Variants in MYT1 observed in about 807,000 individuals in gnomAD.
MYT1 encodes the protein myelin transcription factor I.
Under a neutral mutation model 123.0 loss-of-function variants are expected in MYT1, and 23 were observed. The ratio of observed to expected loss-of-function variants is 0.19; its 90% CI spans 0.13 to 0.26. The LOEUF is 0.26. Among genes scored for constraint, MYT1 ranks in the 10% least tolerant of loss-of-function variants. The pLI, the probability that MYT1 is intolerant of heterozygous loss-of-function variation, is 1.00. For synonymous variants in MYT1, 518 were observed against 575.3 expected (o/e 0.90, Z 1.43); for missense variants, 1,125 against 1,472.5 (o/e 0.76, Z 3.86).
In MYT1 at chr20:64,236,656, G is replaced by A. The variant is rs1238341817; in HGVS notation, c.2989+10G>A. 2.5e-6 allele frequency: 4 copies of A among 1,611,416 alleles called. No homozygotes were observed. The South Asian group carries it at 4.4e-5, about 18-fold the overall frequency. ...TTCAAGACTAGCGACGGTAAGGATGGCTTCCTGGATTTCCCTGCTCATGGC... is the reference window on the plus strand; with the variant it reads ...TTCAAGACTAGCGACGGTAAGGATGACTTCCTGGATTTCCCTGCTCATGGC... On this transcript the variant is annotated intron_variant, in intron 20 of 22. Coordinates refer to ENST00000328439, the MANE Select transcript of MYT1 (RefSeq NM_004535.3).
chr20:64,205,194 C>G (rs1983449130), intron 5 of MYT1, 97 bp downstream of exon 5: 2 of 1,414,808 alleles, frequency 1.4e-6, no homozygotes, highest in Admixed American at 1.8e-5. Flanking sequence ...TTTTCCATGG[C>G]TCCCAAGGCC....
chr20:64,202,042 C>T lies in MYT1; in HGVS notation c.86+2120C>T, dbSNP rs1440064487. On this transcript the variant is annotated intron_variant, in intron 4 of 22. Coordinates refer to ENST00000328439, the MANE Select transcript of MYT1 (RefSeq NM_004535.3). This position sits in a 1 kb window ranked among gnomAD's most constrained non-coding sequence, Gnocchi z 5.0. ...TCGCGTGTCGGGAACCCCCGCGTGT[C>T]GGGAACCTCTGCGTGTCGGGAACCC... is the stretch of plus-strand genomic sequence containing the variant. Among the ~76,000 whole-genome samples, 1 of 151,266 alleles carries T rather than the reference C, an allele frequency of 6.6e-6. No individual in the cohort carries two copies. The highest frequency in any genetic ancestry group is 1.9e-4 in the East Asian group (1 of 5,142).
At chr20:64,223,415 C>A in intron 16 of MYT1, 56 bp downstream of exon 16, 1 of 1,590,490 alleles carries the variant, frequency 6.3e-7, no homozygotes, top group Non-Finnish European at 8.6e-7. Flanking sequence ...GCTTTGCTCT[C>A]CTTCCATGAG....
Position 64,240,551 on chromosome 20 carries a change from G to A in MYT1, c.*103G>A. 1 of 1,435,778 alleles carries A rather than the reference G, an allele frequency of 7.0e-7. No individual in the cohort carries two copies. 88.9% of individuals were successfully genotyped at this position (1,435,778 alleles called of 1,614,324 possible). Reference sequence around the variant, plus strand: ...CAACTCACAGTGACTTCCCGTTTGGGGCCCGGTGTGGCCGCGGGCGGGTTT... The same window carrying A: ...CAACTCACAGTGACTTCCCGTTTGGAGCCCGGTGTGGCCGCGGGCGGGTTT... On this transcript the variant is annotated 3_prime_UTR_variant, in exon 23 of 23. Coordinates refer to ENST00000328439, the MANE Select transcript of MYT1 (RefSeq NM_004535.3).
intron 1 of MYT1, among the ~76,000 whole-genome samples, chr20:64,176,979 T>A (rs1982476940): frequency 1.3e-5 from 2 of 152,188 alleles, no homozygotes; most frequent in Admixed American, 1.3e-4. Context: ...ATGATAATAA[T>A]ATAAGAAAGA....
intron 1 of MYT1, among the ~76,000 whole-genome samples, chr20:64,165,366 C>T (rs911757051): frequency 2.0e-5 from 3 of 152,048 alleles, no homozygotes; most frequent in African/African-American, 4.8e-5. Flanking sequence ...GCTACGTGTC[C>T]GTGCAGCTGT....
At chr20:64,219,655 A>C in intron 12 of MYT1, 58 bp from the exon 13 acceptor site, 1 of 1,453,308 alleles carries the variant, frequency 6.9e-7, no homozygotes, top group East Asian at 2.3e-5. Context: ...CAAATGGACC[A>C]GAAGGCACAC....
In MYT1 at chr20:64,167,537, G is replaced by C. The variant is rs1016878001; in HGVS notation, c.-99+2798G>C. Among the ~76,000 whole-genome samples, 3 of 152,152 alleles carry C rather than the reference G, an allele frequency of 2.0e-5. No homozygotes were observed. Among genetic ancestry groups the C allele is most frequent in the Non-Finnish European group, 2.9e-5 (2 of 68,022 alleles). ...GGCTGCTGGCGGTCACCTGATCTGC[G>C]AGCAGGCAGGGTACTGGACGGTCAG... On this transcript the variant is annotated intron_variant, in intron 1 of 22. Coordinates refer to ENST00000328439, the MANE Select transcript of MYT1 (RefSeq NM_004535.3). This position sits in a 1 kb window ranked among gnomAD's most constrained non-coding sequence, Gnocchi z 6.3.
At position 64,236,578 on chromosome 20, in the gene MYT1, C is replaced by A; in HGVS notation, c.2921C>A (p.Thr974Asn). The A allele has an allele frequency of 6.2e-7, 1 of 1,613,678 alleles. No individual in the cohort carries two copies. Among genetic ancestry groups the A allele is most frequent in the Non-Finnish European group, 8.5e-7 (1 of 1,179,844 alleles). ...AGTTTGTCAGGCTGTCCCAGAGCAA[C>A]CTTTGCTGGAAAGAAGGGAAAACTG... is the stretch of plus-strand genomic sequence containing the variant. ...HRSLSGCPRA[T>N]FAGKKGKLSG... The change falls in exon 20 of 23, where the codon ACC becomes AAC. Residue 974 changes from threonine to asparagine, a missense_variant. Thr to Asn is a moderately conservative substitution (Grantham distance 65). This residue lies in a region of MYT1 where 243 missense variants were observed against 323.1 expected (regional missense o/e 0.75). Coordinates refer to ENST00000328439, the MANE Select transcript of MYT1 (RefSeq NM_004535.3).
At chr20:64,179,859 C>A (rs1376719729) in intron 1 of MYT1, among the ~76,000 whole-genome samples, 2 of 151,800 alleles carry the variant, frequency 1.3e-5, no homozygotes, top group African/African-American at 4.8e-5. Context: ...CACACACATA[C>A]TACACACAGG....
intron 1 of MYT1, among the ~76,000 whole-genome samples, chr20:64,182,214 C>A (rs760323439): frequency 6.6e-6 from 1 of 152,220 alleles, no homozygotes; most frequent in Non-Finnish European, 1.5e-5. Flanking sequence ...ATACTCAACC[C>A]TGGGCCCAGC....
intron 19 of MYT1, among the ~76,000 whole-genome samples, chr20:64,236,188 A>C (rs868836498): frequency 0.04 from 548 of 13,814 alleles, 1 homozygote; most frequent in Middle Eastern, 0.062. Context: ...TGACCCTGGG[A>C]TGGCCGTGGT....
At position 64,207,610 on chromosome 20, in the gene MYT1, G is replaced by T; in HGVS notation, c.414G>T (p.Lys138Asn). ...TTTGTGCAGGAAGGAGCCCCGTCAA[G>T]TCCCATTTTGGATCCAACCCCATCG... ...PETAEGRSPV[K>N]SHFGSNPIGS... The change falls in exon 7 of 23, where the codon AAG becomes AAT. Residue 138 changes from lysine to asparagine, a missense_variant. Lys to Asn is a moderately conservative substitution (Grantham distance 94, BLOSUM62 0). Coordinates refer to ENST00000328439, the MANE Select transcript of MYT1 (RefSeq NM_004535.3). The T allele has an allele frequency of 7.4e-6, 12 of 1,613,360 alleles. No homozygotes were observed. Among genetic ancestry groups the T allele is most frequent in the Non-Finnish European group, 1.0e-5 (12 of 1,179,706 alleles).
At position 64,166,667 on chromosome 20, in the gene MYT1, C is replaced by G. The variant is rs540502275; in HGVS notation, c.-99+1928C>G. Among the ~76,000 whole-genome samples the G allele has an allele frequency of 1.3e-5, 2 of 152,348 alleles. No individual in the cohort carries two copies. The highest frequency in any genetic ancestry group is 1.3e-4 in the Admixed American group (2 of 15,300). ...TTGTTCAGAGCTAATGCTCTGGCCC[C>G]TCTTGGAAGATTCTGGCAAAGGCAG... is the stretch of plus-strand genomic sequence containing the variant. On this transcript the variant is annotated intron_variant, in intron 1 of 22. Transcript: ENST00000328439. The surrounding 1 kb of genome is among the most constrained non-coding windows in gnomAD (Gnocchi z 4.9).
intron 2 of MYT1, among the ~76,000 whole-genome samples, chr20:64,197,585 C>G (rs1395498751): frequency 6.6e-6 from 1 of 152,214 alleles, no homozygotes; most frequent in Admixed American, 6.5e-5. Flanking sequence ...GTCCAGTGCT[C>G]TCCTCTTGGG....
At chr20:64,229,347 T>G (rs1474423821) in intron 18 of MYT1, among the ~76,000 whole-genome samples, 1 of 152,188 alleles carries the variant, frequency 6.6e-6, no homozygotes, top group African/African-American at 2.4e-5. Flanking sequence ...TATAAGTGAA[T>G]CGTGCTGCAT....
In MYT1 at chr20:64,168,980, T is replaced by C. The variant is rs186961673; in HGVS notation, c.-99+4241T>C. On this transcript the variant is annotated intron_variant, in intron 1 of 22. Coordinates refer to ENST00000328439, the MANE Select transcript of MYT1 (RefSeq NM_004535.3). The surrounding 1 kb of genome is among the most constrained non-coding windows in gnomAD (Gnocchi z 6.1). Reference sequence around the variant, plus strand: ...ACCTCCATCGTGTTCAACACTGGTCTGAGGGCTGGGGCAGAAGCCATCTGG... The same window carrying C: ...ACCTCCATCGTGTTCAACACTGGTCCGAGGGCTGGGGCAGAAGCCATCTGG... Among the ~76,000 whole-genome samples the C allele has an allele frequency of 3.9e-5, 6 of 152,358 alleles. No homozygotes were observed. The East Asian group carries it at 9.6e-4, about 24-fold the overall frequency.
At chr20:64,211,413 A>G in intron 8 of MYT1, 73 bp downstream of exon 8, 5 of 1,512,768 alleles carry the variant, frequency 3.3e-6, no homozygotes, top group Non-Finnish European at 3.6e-6. Flanking sequence ...GGTGGTGTCT[A>G]TGGGGAGGCG....
chr20:64,177,857 C>T (rs1220448082), intron 1 of MYT1, among the ~76,000 whole-genome samples: 1 of 152,238 alleles, frequency 6.6e-6, no homozygotes. Context: ...CCAAGCTTGT[C>T]AGACTTTCTC....
Sources: allele counts gnomAD v4.1 joint callset (sites outside exome capture counted in the v4.1 genomes callset), GRCh38; gene constraint gnomAD v4.1.1; regional missense constraint gnomAD v4.1.1; non-coding constraint Gnocchi (gnomAD v3.1); transcripts MANE v1.5; gene names NCBI Gene and HGNC (gene_info 2026-07-23, HGNC 2026-07-21).